The following CACNA2D3 variants were observed in gnomAD, a reference collection of about 807,000 sequenced individuals.
The protein encoded by CACNA2D3 is voltage-dependent calcium channel subunit alpha-2/delta-3.
A neutral mutation model predicts 160.6 loss-of-function variants in CACNA2D3; 60 were observed. That is an observed-to-expected ratio of 0.37 (90% CI 0.30 to 0.46). CACNA2D3 has a LOEUF of 0.46. Among genes scored for constraint, CACNA2D3 ranks in the 20% least tolerant of loss-of-function variants. The pLI, the probability that CACNA2D3 is intolerant of heterozygous loss-of-function variation, is 1.00. For missense variants in CACNA2D3, 1,205 were observed against 1,365.0 expected (o/e 0.88, Z 1.85); for synonymous variants, 558 against 492.9 (o/e 1.13, Z -1.75).
chr3:54,313,053 G>A (rs1703774947), intron 2 of CACNA2D3, among the ~76,000 whole-genome samples: 1 of 152,192 alleles, frequency 6.6e-6, no homozygotes, highest in Admixed American at 6.5e-5. Context: ...GGAAAAATAA[G>A]GTAGCACTAG....
At chr3:54,324,576 C>G (rs1230693013) in intron 3 of CACNA2D3, among the ~76,000 whole-genome samples, 2 of 152,056 alleles carry the variant, frequency 1.3e-5, no homozygotes, top group Non-Finnish European at 2.9e-5. Flanking sequence ...TTTTTTCACA[C>G]CCACGCAGAG....
At chr3:54,898,291 T>C (rs1178239360) in intron 26 of CACNA2D3, among the ~76,000 whole-genome samples, 5 of 151,154 alleles carry the variant, frequency 3.3e-5, no homozygotes, top group Non-Finnish European at 5.9e-5. Flanking sequence ...GGCATGATCT[T>C]GGCTCATTGC....
intron 5 of CACNA2D3, among the ~76,000 whole-genome samples, chr3:54,560,895 G>A (rs1559512927): frequency 6.6e-6 from 1 of 152,152 alleles, no homozygotes; most frequent in Non-Finnish European, 1.5e-5. Flanking sequence ...TAGGCATGCA[G>A]TCTTATTTCT....
intron 2 of CACNA2D3, among the ~76,000 whole-genome samples, chr3:54,282,095 G>A (rs1483927305): frequency 6.6e-6 from 1 of 152,152 alleles, no homozygotes; most frequent in African/African-American, 2.4e-5. Context: ...ATTTGTAAAA[G>A]GCACTTCTTC....
At chr3:54,473,974 G>T (rs1029804247) in intron 4 of CACNA2D3, among the ~76,000 whole-genome samples, 1 of 152,192 alleles carries the variant, frequency 6.6e-6, no homozygotes, top group South Asian at 2.1e-4. Context: ...TTCAACCATT[G>T]TGGAAGACAG....
At chr3:55,070,517 G>A (rs958210206) in intron 35 of CACNA2D3, among the ~76,000 whole-genome samples, 4 of 152,040 alleles carry the variant, frequency 2.6e-5, no homozygotes, top group Non-Finnish European at 4.4e-5. Context: ...TTTGTGCAGC[G>A]GTCACCTATC....
intron 9 of CACNA2D3, among the ~76,000 whole-genome samples, chr3:54,607,091 T>A (rs1698645245): frequency 1.3e-5 from 2 of 152,188 alleles, no homozygotes; most frequent in Non-Finnish European, 2.9e-5. Flanking sequence ...AACCCAATTT[T>A]AAGGTTTCCA....
In CACNA2D3 at chr3:54,554,396, CAAAT is replaced by C. The variant is rs370717234; in HGVS notation, c.545-8403_545-8400del. Among the ~76,000 whole-genome samples the C allele has an allele frequency of 2.0e-4, 31 of 152,228 alleles. 1 individual carries two copies. In the East Asian group the frequency reaches 4.6e-3, roughly 23 times the overall value. Reference sequence around the variant, plus strand: ...ACTCAATCAATATTTGTCGAGTAAACAAATGAATGAAAGCGTCATCACAGTACCT... The same window carrying C: ...ACTCAATCAATATTTGTCGAGTAAACGAATGAAAGCGTCATCACAGTACCT... On this transcript the variant is annotated intron_variant, in intron 5 of 37. Coordinates refer to ENST00000474759, the MANE Select transcript of CACNA2D3 (RefSeq NM_018398.3).
intron 11 of CACNA2D3, among the ~76,000 whole-genome samples, chr3:54,692,059 C>T (rs545230799): frequency 1.7e-4 from 26 of 152,136 alleles, no homozygotes; most frequent in African/African-American, 6.0e-4. Flanking sequence ...ACTGCAACCT[C>T]GCCTCCTGGG....
At chr3:55,027,575 G>A (rs770037134) in intron 35 of CACNA2D3, among the ~76,000 whole-genome samples, 1 of 152,222 alleles carries the variant, frequency 6.6e-6, no homozygotes, top group Middle Eastern at 3.4e-3. Flanking sequence ...TCCCTGGAAG[G>A]AATGAGATTT....
At chr3:54,366,443 A>G (rs2107545369) in intron 3 of CACNA2D3, among the ~76,000 whole-genome samples, 1 of 152,368 alleles carries the variant, frequency 6.6e-6, no homozygotes, top group South Asian at 2.1e-4. Flanking sequence ...CCCCAGGGCT[A>G]GAAAATAGTT....
At chr3:54,722,132 C>A (rs1701180618) in intron 11 of CACNA2D3, among the ~76,000 whole-genome samples, 1 of 152,130 alleles carries the variant, frequency 6.6e-6, no homozygotes, top group Non-Finnish European at 1.5e-5. Flanking sequence ...TTTCTCTAAT[C>A]TTGTCTTCTT....
In CACNA2D3 at chr3:54,545,743, T is replaced by A. The variant is rs140969871; in HGVS notation, c.545-17057T>A. Among the ~76,000 whole-genome samples, 358 of 152,304 alleles carry A rather than the reference T, an allele frequency of 2.4e-3. 2 individuals are homozygous for A. The highest frequency in any genetic ancestry group is 2.5e-3 in the Non-Finnish European group (168 of 68,028). On this transcript the variant is annotated intron_variant, in intron 5 of 37. Transcript: ENST00000474759. ...ATTAGTGACTTGGTTAAATCCTAGG[T>A]TCCTTGGGTTGTATGACCTCTGAGA...
At chr3:54,475,315 G>C (rs1008324020) in intron 4 of CACNA2D3, among the ~76,000 whole-genome samples, 2 of 152,162 alleles carry the variant, frequency 1.3e-5, no homozygotes, top group African/African-American at 4.8e-5. Flanking sequence ...CCCTAGCTTT[G>C]CCAGTGATCT....
chr3:54,458,423 C>T (rs1700437595), intron 4 of CACNA2D3, among the ~76,000 whole-genome samples: 1 of 150,964 alleles, frequency 6.6e-6, no homozygotes, highest in African/African-American at 2.4e-5. Flanking sequence ...TTCTGAAATA[C>T]AGCTTTTGGG....
At chr3:54,687,195 C>T (rs141740362) in intron 11 of CACNA2D3, among the ~76,000 whole-genome samples, 45 of 139,550 alleles carry the variant, frequency 3.2e-4, no homozygotes, top group African/African-American at 1.2e-3. Context: ...GGCTGGAGTG[C>T]AATGGTGCCA....
intron 2 of CACNA2D3, among the ~76,000 whole-genome samples, chr3:54,317,648 C>T (rs1354557860): frequency 4.6e-5 from 7 of 152,136 alleles, no homozygotes; most frequent in Non-Finnish European, 1.0e-4. Flanking sequence ...AGTGATTCTT[C>T]TGCCTCAGTC....
chr3:54,676,810 G>A (rs1336228541), intron 11 of CACNA2D3, among the ~76,000 whole-genome samples: 1 of 152,184 alleles, frequency 6.6e-6, no homozygotes, highest in Non-Finnish European at 1.5e-5. Context: ...CTTGTAGGCA[G>A]AGGAAAGATA....
intron 25 of CACNA2D3, among the ~76,000 whole-genome samples, chr3:54,893,321 G>A (rs1700111948): frequency 6.6e-6 from 1 of 151,968 alleles, no homozygotes; most frequent in Admixed American, 6.6e-5. Context: ...TCTTTGGGAA[G>A]CTAAAAATTC....
Sources: allele counts gnomAD v4.1 joint callset (sites outside exome capture counted in the v4.1 genomes callset), GRCh38; gene constraint gnomAD v4.1.1; transcripts MANE v1.5; gene names NCBI Gene and HGNC (gene_info 2026-07-23, HGNC 2026-07-21).